The following CDYL2 variants were observed in gnomAD, a reference collection of about 807,000 sequenced individuals.
CDYL2 encodes chromodomain Y like 2.
A neutral mutation model predicts 49.4 loss-of-function variants in CDYL2; 23 were observed. The observed-to-expected ratio is 0.47, with a 90% CI of 0.34 to 0.66. CDYL2 has a LOEUF of 0.66. CDYL2 is among the 30% of genes least tolerant of loss of function. The pLI, the probability that CDYL2 is intolerant of heterozygous loss-of-function variation, is 0.01. For missense variants in CDYL2, 678 were observed against 656.4 expected, an observed-to-expected ratio of 1.03 and a Z score of -0.36; for synonymous variants, 360 against 268.8, an observed-to-expected ratio of 1.34 and a Z score of -3.32.
chr16:80,717,895 CA>C (rs1904864212), intron 1 of CDYL2, among the ~76,000 whole-genome samples: 1 of 152,196 alleles, frequency 6.6e-6, no homozygotes, highest in Non-Finnish European at 1.5e-5. Flanking sequence ...TTCGTGGAAG[CA>C]AAAGTAGGGC....
intron 1 of CDYL2, among the ~76,000 whole-genome samples, chr16:80,795,413 C>T (rs1335813821): frequency 1.3e-5 from 2 of 152,152 alleles, no homozygotes; most frequent in Non-Finnish European, 2.9e-5. Flanking sequence ...AAACAAATGG[C>T]CCTGCAAGCC....
chr16:80,797,786 C>T (rs1251395729), intron 1 of CDYL2, among the ~76,000 whole-genome samples: 1 of 152,166 alleles, frequency 6.6e-6, no homozygotes. Flanking sequence ...ACTCCATCGC[C>T]ATTACCACTC....
intron 1 of CDYL2, among the ~76,000 whole-genome samples, chr16:80,766,188 C>T (rs1325484253): frequency 1.3e-5 from 2 of 151,816 alleles, no homozygotes; most frequent in African/African-American, 4.8e-5. Context: ...AATGGCTGCA[C>T]AACTCTGTGA....
chr16:80,740,416 T>C (rs1905694683), intron 1 of CDYL2, among the ~76,000 whole-genome samples: 1 of 152,142 alleles, frequency 6.6e-6, no homozygotes, highest in African/African-American at 2.4e-5. Flanking sequence ...AAAGTACAAC[T>C]ATGACCACCC....
chr16:80,619,373 C>A (rs1183935598), intron 4 of CDYL2, among the ~76,000 whole-genome samples: 1 of 152,210 alleles, frequency 6.6e-6, no homozygotes, highest in Non-Finnish European at 1.5e-5. Flanking sequence ...TGCTAATGAG[C>A]TGCTCGTGCA....
Position 80,757,552 on chromosome 16 carries a change from A to AT in CDYL2, c.24+46597_24+46598insA, listed in dbSNP as rs199821943. Among the ~76,000 whole-genome samples, 969 of 141,198 alleles carry AT rather than the reference A, an allele frequency of 6.9e-3. 4 individuals carry two copies. Among genetic ancestry groups the AT allele is most frequent in the African/African-American group, 0.026 (906 of 35,266 alleles). 92.6% of individuals were successfully genotyped at this position (141,198 alleles called of 152,430 possible). On this transcript the variant is annotated intron_variant, in intron 1 of 6. Coordinates refer to ENST00000570137, the MANE Select transcript of CDYL2 (RefSeq NM_152342.4). ...AGACTCTGTCTCAAAAAAAAAAAAA[A>AT]AATATATATATATATACACACACAC...
chr16:80,702,833 T>A (rs1044363633), intron 1 of CDYL2, among the ~76,000 whole-genome samples: 1 of 152,168 alleles, frequency 6.6e-6, no homozygotes, highest in Non-Finnish European at 1.5e-5. Context: ...CAGCCAGCAC[T>A]GCACGCCAGA....
chr16:80,669,353 C>G (rs1361431588), intron 2 of CDYL2, among the ~76,000 whole-genome samples: 1 of 152,074 alleles, frequency 6.6e-6, no homozygotes, highest in Non-Finnish European at 1.5e-5. Context: ...CCCCACGGAC[C>G]ATGGAAAGTG....
intron 2 of CDYL2, among the ~76,000 whole-genome samples, chr16:80,636,904 A>G (rs112664953): frequency 6.6e-6 from 1 of 152,304 alleles, no homozygotes; most frequent in Non-Finnish European, 1.5e-5. Context: ...TCCTTTGCAG[A>G]GACATGGATG....
chr16:80,801,400 C>A (rs970719834), intron 1 of CDYL2, among the ~76,000 whole-genome samples: 1 of 152,204 alleles, frequency 6.6e-6, no homozygotes, highest in Admixed American at 6.5e-5. Context: ...AGCACCTATT[C>A]CTAACAACTG....
intron 2 of CDYL2, among the ~76,000 whole-genome samples, chr16:80,649,096 C>A (rs1368054240): frequency 6.6e-6 from 1 of 152,140 alleles, no homozygotes; most frequent in East Asian, 1.9e-4. Flanking sequence ...AGGATATCCA[C>A]TTTCACTACC....
intron 2 of CDYL2, among the ~76,000 whole-genome samples, chr16:80,634,404 CCAAA>C (rs1907720442): frequency 6.6e-6 from 1 of 152,102 alleles, no homozygotes; most frequent in African/African-American, 2.4e-5. Context: ...GGACAGAAAA[CCAAA>C]CACCGCATGT....
chr16:80,616,156 G>A (rs768086469), intron 4 of CDYL2, among the ~76,000 whole-genome samples: 1 of 152,196 alleles, frequency 6.6e-6, no homozygotes, highest in Non-Finnish European at 1.5e-5. Context: ...TCAGAGTGAA[G>A]TCTCAGTTCT....
Position 80,609,176 on chromosome 16 carries a change from TATAG to T in CDYL2, c.1219-945_1219-942del, listed in dbSNP as rs1362520169. On this transcript the variant is annotated intron_variant, in intron 5 of 6. Transcript: ENST00000570137. Reference sequence around the variant, plus strand: ...GTCATACAAGGTCTGGGAGGAGCTATATAGATAAAGTCCTGCACAGACAGAGAAC... The same window carrying T: ...GTCATACAAGGTCTGGGAGGAGCTATATAAAGTCCTGCACAGACAGAGAAC... Among the ~76,000 whole-genome samples, 9 of 152,360 alleles carry T rather than the reference TATAG, an allele frequency of 5.9e-5. No homozygotes were observed. The East Asian group carries it at 1.2e-3, about 20-fold the overall frequency.
chr16:80,655,898 A>G (rs935117661), intron 2 of CDYL2, among the ~76,000 whole-genome samples: 4 of 152,282 alleles, frequency 2.6e-5, no homozygotes, highest in African/African-American at 9.6e-5. Context: ...TTCCCGAGTG[A>G]CAGCAACAAG....
At position 80,600,773 on chromosome 16, in the gene CDYL2, T is replaced by G. The variant is rs1906046889; in HGVS notation, c.*3615A>C. 7.6e-6 allele frequency: 1 copy of G among 132,018 alleles called. No homozygotes were observed. The highest frequency in any genetic ancestry group is 8.2e-5 in the Admixed American group (1 of 12,230). The allele number at this position is 132,018 out of a possible 1,614,324, so 8.2% of individuals were successfully genotyped here. On this transcript the variant is annotated 3_prime_UTR_variant, in exon 7 of 7. Coordinates refer to ENST00000570137, the MANE Select transcript of CDYL2 (RefSeq NM_152342.4). Reference sequence around the variant, plus strand: ...GATTGGAAAATTTAATGGATGTGACTAAATTCCAAATAAAAAAAAAGTTTA... The same window carrying G: ...GATTGGAAAATTTAATGGATGTGACGAAATTCCAAATAAAAAAAAAGTTTA...
intron 1 of CDYL2, among the ~76,000 whole-genome samples, chr16:80,769,427 AG>A (rs1906833391): frequency 6.6e-6 from 1 of 152,232 alleles, no homozygotes; most frequent in African/African-American, 2.4e-5. Flanking sequence ...AAACTATAAA[AG>A]GTGGGTATCA....
In CDYL2 at chr16:80,760,939, A is replaced by G. The variant is rs374427004; in HGVS notation, c.24+43211T>C. Among the ~76,000 whole-genome samples, 68 of 152,272 alleles carry G rather than the reference A, an allele frequency of 4.5e-4. No homozygotes were observed. The Middle Eastern group carries it at 0.01, about 23-fold the overall frequency. ...AAGGGCCGGTGCGTCTGTGGATTTAATGCGCAAAGGTGACAAAAACCAAAT... is the reference window on the plus strand; with the variant it reads ...AAGGGCCGGTGCGTCTGTGGATTTAGTGCGCAAAGGTGACAAAAACCAAAT... On this transcript the variant is annotated intron_variant, in intron 1 of 6. Coordinates refer to ENST00000570137, the MANE Select transcript of CDYL2 (RefSeq NM_152342.4).
At chr16:80,767,825 C>G (rs372089214) in intron 1 of CDYL2, among the ~76,000 whole-genome samples, 4 of 152,124 alleles carry the variant, frequency 2.6e-5, no homozygotes, top group Non-Finnish European at 5.9e-5. Context: ...CTAAAAAGTA[C>G]GAAAAGGAGC....
Sources: gnomAD v4.1 joint callset for allele counts (sites outside exome capture counted in the v4.1 genomes callset) on GRCh38, gnomAD v4.1.1 for gene constraint, MANE v1.5 for transcripts, NCBI Gene and HGNC (gene_info 2026-07-23, HGNC 2026-07-21) for gene names.